The following PLPP1 variants were observed in gnomAD, a reference collection of about 807,000 sequenced individuals.
PLPP1 encodes the protein lipid phosphate phosphohydrolase 1a.
Under a neutral mutation model 31.2 loss-of-function variants are expected in PLPP1, and 24 were observed. The ratio of observed to expected loss-of-function variants is 0.77; its 90% CI spans 0.56 to 1.08. The LOEUF (loss-of-function observed/expected upper bound fraction) is 1.08, where lower values mean the gene tolerates loss of function less well. Among genes scored for constraint, PLPP1 ranks in the 50% least tolerant of loss-of-function variants. PLPP1 has a pLI of 0.00. For missense variants in PLPP1, 319 were observed against 342.7 expected, an observed-to-expected ratio of 0.93 and a Z score of 0.55; for synonymous variants, 146 against 126.3, an observed-to-expected ratio of 1.16 and a Z score of -1.05.
chr5:55,528,694 C>T (rs1214606019), intron 1 of PLPP1, among the ~76,000 whole-genome samples: 1 of 152,070 alleles, frequency 6.6e-6, no homozygotes, highest in East Asian at 1.9e-4. Flanking sequence ...TTTATTAAAC[C>T]AAGTTTAAAA....
At chr5:55,474,449 T>G (rs952608757) in intron 2 of PLPP1, among the ~76,000 whole-genome samples, 1 of 152,224 alleles carries the variant, frequency 6.6e-6, no homozygotes, top group African/African-American at 2.4e-5. Flanking sequence ...ATAAAAATCA[T>G]GTAGTCCAGT....
chr5:55,429,404 A>C (rs1158444890), intron 4 of PLPP1, among the ~76,000 whole-genome samples: 2 of 152,082 alleles, frequency 1.3e-5, no homozygotes, highest in East Asian at 3.9e-4. Flanking sequence ...AAGTAAGGAG[A>C]GGGAAGCAAG....
At chr5:55,532,764 C>G (rs1180124243) in intron 1 of PLPP1, among the ~76,000 whole-genome samples, 1 of 152,072 alleles carries the variant, frequency 6.6e-6, no homozygotes, top group Non-Finnish European at 1.5e-5. Flanking sequence ...CAAGGCCAGC[C>G]TGGCCAAGAC....
At chr5:55,499,797 T>C (rs1753095628) in intron 1 of PLPP1, among the ~76,000 whole-genome samples, 1 of 151,952 alleles carries the variant, frequency 6.6e-6, no homozygotes, top group African/African-American at 2.4e-5. Flanking sequence ...AATGCTAAGG[T>C]ACTTGCATAT....
At chr5:55,498,518 G>A (rs1379207470) in intron 1 of PLPP1, among the ~76,000 whole-genome samples, 1 of 151,920 alleles carries the variant, frequency 6.6e-6, no homozygotes, top group African/African-American at 2.4e-5. Flanking sequence ...AACATGCCCT[G>A]CATAATCTTG....
At chr5:55,520,903 A>T (rs2111935202) in intron 1 of PLPP1, among the ~76,000 whole-genome samples, 1 of 152,316 alleles carries the variant, frequency 6.6e-6, no homozygotes, top group South Asian at 2.1e-4. Context: ...TTCAGGGGAA[A>T]TTGTTCTGAA....
At chr5:55,521,811 A>C (rs1753674572) in intron 1 of PLPP1, among the ~76,000 whole-genome samples, 1 of 152,206 alleles carries the variant, frequency 6.6e-6, no homozygotes, top group Non-Finnish European at 1.5e-5. Flanking sequence ...AATGAGGCTA[A>C]TACTATGTAC....
chr5:55,451,715 C>T (rs1751898591), intron 3 of PLPP1, among the ~76,000 whole-genome samples: 1 of 152,118 alleles, frequency 6.6e-6, no homozygotes, highest in Non-Finnish European at 1.5e-5. Context: ...GTGTGCACCA[C>T]CATGCCTGGC....
chr5:55,474,622 GT>G (rs1458622466), intron 2 of PLPP1, among the ~76,000 whole-genome samples: 3 of 152,088 alleles, frequency 2.0e-5, no homozygotes, highest in Admixed American at 1.3e-4. Context: ...TTTCTCTCCT[GT>G]GTATGATATG....
chr5:55,534,663 G>T lies in PLPP1; in HGVS notation c.-34C>A. The T allele has an allele frequency of 6.6e-7, 1 of 1,526,288 alleles. No individual in the cohort carries two copies. Among genetic ancestry groups the T allele is most frequent in the Non-Finnish European group, 8.8e-7 (1 of 1,138,064 alleles). 94.5% of individuals were successfully genotyped at this position (1,526,288 alleles called of 1,614,324 possible). ...CCCGGGCTGCCCGGCAAGGGCGATGGACTGAGCTGCGGGACGGCGGCCGAG... is the reference window on the plus strand; with the variant it reads ...CCCGGGCTGCCCGGCAAGGGCGATGTACTGAGCTGCGGGACGGCGGCCGAG... On this transcript the variant is annotated 5_prime_UTR_variant, in exon 1 of 6. Transcript: ENST00000307259.
chr5:55,504,189 T>G (rs1400884914), intron 1 of PLPP1, among the ~76,000 whole-genome samples: 2 of 150,932 alleles, frequency 1.3e-5, no homozygotes, highest in African/African-American at 4.9e-5. Context: ...GCCAAGATGG[T>G]GAAACCCCGT....
At chr5:55,462,994 A>T (rs1469567895) in intron 3 of PLPP1, among the ~76,000 whole-genome samples, 1 of 152,140 alleles carries the variant, frequency 6.6e-6, no homozygotes, top group East Asian at 1.9e-4. Context: ...AAAAAGAAAA[A>T]GAAAGCAGCC....
chr5:55,441,819 A>G (rs894112665), intron 4 of PLPP1, 32 bp downstream of exon 4: 5 of 1,597,510 alleles, frequency 3.1e-6, no homozygotes, highest in South Asian at 1.1e-5. Flanking sequence ...TGCAGCACAT[A>G]ACCTAACCGT....
chr5:55,482,242 C>T (rs1244150460), intron 1 of PLPP1, among the ~76,000 whole-genome samples: 2 of 150,626 alleles, frequency 1.3e-5, no homozygotes, highest in African/African-American at 2.4e-5. Context: ...AGTCAGGATA[C>T]GCATTCAATG....
intron 1 of PLPP1, among the ~76,000 whole-genome samples, chr5:55,532,714 T>C (rs949639561): frequency 3.3e-5 from 5 of 152,208 alleles, no homozygotes; most frequent in African/African-American, 1.2e-4. Context: ...ATCCCAGCAC[T>C]TTGGGAGGCC....
At chr5:55,532,809 T>C (rs1307942522) in intron 1 of PLPP1, among the ~76,000 whole-genome samples, 3 of 151,886 alleles carry the variant, frequency 2.0e-5, no homozygotes, top group African/African-American at 4.8e-5. Flanking sequence ...ATACGAAAGT[T>C]AGCCGGGCAT....
intron 4 of PLPP1, among the ~76,000 whole-genome samples, chr5:55,433,966 G>GT (rs1351451644): frequency 1.3e-5 from 2 of 151,888 alleles, no homozygotes; most frequent in Non-Finnish European, 1.5e-5. Context: ...GTGAAACCCT[G>GT]TCTTTACTAA....
chr5:55,516,313 CTCTAA>C lies in PLPP1; in HGVS notation c.58+18254_58+18258del, dbSNP rs1265985523. On this transcript the variant is annotated intron_variant, in intron 1 of 5. Coordinates refer to ENST00000307259, the MANE Select transcript of PLPP1 (RefSeq NM_003711.4). ...TCTCCCTAAATCCATTATTTCTTAG[CTCTAA>C]TCTATCATTCTACCCTGCAGCCAAA... 9.2e-5 allele frequency among the ~76,000 whole-genome samples: 14 copies of C among 152,244 alleles called. No individual in the cohort carries two copies. The East Asian group carries it at 2.7e-3, about 29-fold the overall frequency.
At chr5:55,481,768 T>C (rs1181536914) in intron 1 of PLPP1, among the ~76,000 whole-genome samples, 3 of 152,154 alleles carry the variant, frequency 2.0e-5, no homozygotes, top group African/African-American at 7.2e-5. Context: ...TGTCAAATAA[T>C]GGAGCTATTA....
Sources: allele counts gnomAD v4.1 joint callset (sites outside exome capture counted in the v4.1 genomes callset), GRCh38; gene constraint gnomAD v4.1.1; transcripts MANE v1.5; gene names NCBI Gene and HGNC (gene_info 2026-07-23, HGNC 2026-07-21).